Variants in POU6F2 observed in about 807,000 individuals in gnomAD.
POU6F2 encodes the protein POU class 6 homeobox 2.
In POU6F2, 31 loss-of-function variants were observed where a neutral mutation model predicts 71.3. The observed-to-expected ratio is 0.43, with a 90% CI of 0.33 to 0.59. The LOEUF is 0.59. Ranked by LOEUF, POU6F2 falls within the 20% of genes least tolerant of loss-of-function variation. The pLI, the probability that POU6F2 is intolerant of heterozygous loss-of-function variation, is 0.04. For synonymous variants in POU6F2, 347 were observed against 355.7 expected (o/e 0.98, Z 0.27); for missense variants, 783 against 856.8 (o/e 0.91, Z 1.07).
intron 5 of POU6F2, among the ~76,000 whole-genome samples, chr7:39,349,903 C>T (rs967389638): frequency 1.3e-5 from 2 of 152,186 alleles, no homozygotes; most frequent in Non-Finnish European, 2.9e-5. Context: ...GTTCATGTGC[C>T]ACTTGGAGTG....
intron 2 of POU6F2, among the ~76,000 whole-genome samples, chr7:39,157,721 C>T (rs1285668020): frequency 6.6e-6 from 1 of 152,180 alleles, no homozygotes; most frequent in South Asian, 2.1e-4. Context: ...GCAAGTGATT[C>T]TGTCCTACAG....
At chr7:39,289,594 A>G (rs6462902) in intron 4 of POU6F2, among the ~76,000 whole-genome samples, 105,711 of 152,084 alleles carry the variant, frequency 0.7, 36,806 homozygotes, top group Admixed American at 0.78. Context: ...ATTCAGTTCC[A>G]AATTGTTTGA....
intron 4 of POU6F2, among the ~76,000 whole-genome samples, chr7:39,267,644 T>TA (rs1279453276): frequency 6.6e-6 from 1 of 151,794 alleles, no homozygotes; most frequent in Non-Finnish European, 1.5e-5. Context: ...TTATTTATTT[T>TA]TTTTTTTTAG....
chr7:39,206,388 A>G (rs1794012559), intron 3 of POU6F2, among the ~76,000 whole-genome samples: 1 of 152,210 alleles, frequency 6.6e-6, no homozygotes, highest in African/African-American at 2.4e-5. Context: ...TTCCATCCAT[A>G]GTGGATGTAA....
chr7:39,183,957 A>G (rs1223412801), intron 2 of POU6F2, among the ~76,000 whole-genome samples: 3 of 152,278 alleles, frequency 2.0e-5, no homozygotes, highest in African/African-American at 7.2e-5. Flanking sequence ...CATAAAATCC[A>G]CTCAGAGTCC....
Position 39,464,218 on chromosome 7 carries a change from G to A in POU6F2, c.1695G>A (p.Gln565=). ...TILRSHFFLP[Q]EAQENTIASS... ...TGAGAAGCCACTTTTTCCTACCACA[G>A]GAAGCCCAAGAGAACACTATAGCTA... The change falls in exon 10 of 10, where the codon CAG becomes CAA. Residue 565 remains glutamine (Q), a synonymous_variant. Coordinates refer to ENST00000518318, the MANE Select transcript of POU6F2 (RefSeq NM_001370959.1). This position sits in a 1 kb window ranked among gnomAD's most constrained non-coding sequence, Gnocchi z 4.1. 1 of 1,613,786 alleles carries A rather than the reference G, an allele frequency of 6.2e-7. No homozygotes were observed. Among genetic ancestry groups the A allele is most frequent in the Non-Finnish European group, 8.5e-7 (1 of 1,179,800 alleles).
At position 39,204,329 on chromosome 7, in the gene POU6F2, C is replaced by T. The variant is rs1175945953; in HGVS notation, c.369+3C>T. 1 of 1,608,694 alleles carries T rather than the reference C, an allele frequency of 6.2e-7. No homozygotes were observed. The highest frequency in any genetic ancestry group is 1.7e-5 in the Admixed American group (1 of 59,992). Reference sequence around the variant, plus strand: ...CCCCATTTCCAGTTGGGCCACAGGTCAGTATCTCTCAACTGCTTTCCACTG... The same window carrying T: ...CCCCATTTCCAGTTGGGCCACAGGTTAGTATCTCTCAACTGCTTTCCACTG... On this transcript the variant is annotated splice_donor_region_variant and intron_variant, in intron 3 of 9. Transcript: ENST00000518318.
At chr7:39,399,839 G>C (rs1787256725) in intron 5 of POU6F2, among the ~76,000 whole-genome samples, 1 of 149,990 alleles carries the variant, frequency 6.7e-6, no homozygotes, top group African/African-American at 2.5e-5. Context: ...AACAAAGGGA[G>C]ACCCTGTCTC....
At chr7:39,409,510 G>C (rs1026510504) in intron 6 of POU6F2, among the ~76,000 whole-genome samples, 2 of 152,310 alleles carry the variant, frequency 1.3e-5, no homozygotes, top group Middle Eastern at 3.4e-3. Context: ...CTAGTTTTAT[G>C]ATCTTGGAGC....
At chr7:39,377,679 C>T (rs1318787001) in intron 5 of POU6F2, among the ~76,000 whole-genome samples, 1 of 151,946 alleles carries the variant, frequency 6.6e-6, no homozygotes. Flanking sequence ...TTTAAATATA[C>T]TTGTTTTGCC....
intron 6 of POU6F2, among the ~76,000 whole-genome samples, chr7:39,426,332 G>A (rs1787970663): frequency 6.6e-6 from 1 of 152,158 alleles, no homozygotes; most frequent in Non-Finnish European, 1.5e-5. Flanking sequence ...TTTTCTTCCA[G>A]CTGCCCCTTT....
intron 6 of POU6F2, among the ~76,000 whole-genome samples, chr7:39,427,023 G>T (rs149226084): frequency 2.6e-4 from 40 of 152,210 alleles, no homozygotes; most frequent in African/African-American, 9.4e-4. Context: ...ATTCATCATG[G>T]TAAACAATTT....
intron 5 of POU6F2, among the ~76,000 whole-genome samples, chr7:39,379,646 C>T (rs766641878): frequency 2.0e-5 from 3 of 152,110 alleles, no homozygotes; most frequent in Non-Finnish European, 2.9e-5. Flanking sequence ...CTACAAGCTC[C>T]GCTATTTTCC....
intron 6 of POU6F2, among the ~76,000 whole-genome samples, chr7:39,430,047 C>T (rs973521906): frequency 4.6e-5 from 7 of 152,048 alleles, no homozygotes; most frequent in Non-Finnish European, 5.9e-5. Context: ...GATCTGTGGC[C>T]GTGCTAAAAG....
intron 2 of POU6F2, among the ~76,000 whole-genome samples, chr7:39,116,170 A>T (rs1376893694): frequency 6.6e-6 from 1 of 152,192 alleles, no homozygotes. Flanking sequence ...GGATCGCTTG[A>T]GCCCAGGAGT....
intron 6 of POU6F2, 132 bp from the exon 7 acceptor site, chr7:39,432,945 C>A (rs899905439): frequency 2.4e-6 from 2 of 820,652 alleles, no homozygotes; most frequent in African/African-American, 1.7e-5. Context: ...CCACACCCCC[C>A]TCCAGAGCTG....
chr7:39,414,848 A>G (rs958808859), intron 6 of POU6F2, among the ~76,000 whole-genome samples: 1 of 152,052 alleles, frequency 6.6e-6, no homozygotes, highest in Non-Finnish European at 1.5e-5. Context: ...GCAGGCTGCC[A>G]TGTACCATAA....
At chr7:39,353,551 A>T (rs147939266) in intron 5 of POU6F2, among the ~76,000 whole-genome samples, 115 of 152,356 alleles carry the variant, frequency 7.5e-4, no homozygotes, top group African/African-American at 2.7e-3. Context: ...TCTGTAAAGC[A>T]TCCACTTATG....
rs1010095373 is a variant in POU6F2, at chr7:39,403,216, C to T, written c.973-3384C>T. 1.1e-4 allele frequency among the ~76,000 whole-genome samples: 16 copies of T among 152,296 alleles called. No individual in the cohort carries two copies. The South Asian group carries it at 2.7e-3, about 26-fold the overall frequency. On this transcript the variant is annotated intron_variant, in intron 5 of 9. Transcript: ENST00000518318. ...CAAAAAATTATTCTGTTGTTGTATT[C>T]TCTAAAATTCCAGGGAGGAGAAAAC... is the stretch of plus-strand genomic sequence containing the variant.
Sources: allele counts gnomAD v4.1 joint callset (sites outside exome capture counted in the v4.1 genomes callset), GRCh38; gene constraint gnomAD v4.1.1; non-coding constraint Gnocchi (gnomAD v3.1); transcripts MANE v1.5; gene names NCBI Gene and HGNC (gene_info 2026-07-23, HGNC 2026-07-21).